The following LRRC75A variants were observed in gnomAD, a reference collection of about 807,000 sequenced individuals.
LRRC75A encodes the protein leucine rich repeat containing 75A.
A neutral mutation model predicts 26.0 loss-of-function variants in LRRC75A; 12 were observed. The observed-to-expected ratio is 0.46, with a 90% confidence interval of 0.30 to 0.75. The LOEUF (loss-of-function observed/expected upper bound fraction) is 0.75, where lower values mean the gene tolerates loss of function less well. Among genes scored for constraint, LRRC75A ranks in the 30% least tolerant of loss-of-function variants. The probability of loss-of-function intolerance (pLI) is 0.08; values close to 1 mark genes in which losing one functional copy is unlikely to be tolerated. For missense variants in LRRC75A, 410 were observed against 486.6 expected (o/e 0.84, Z 1.48); for synonymous variants, 223 against 219.3 (o/e 1.02, Z -0.15).
chr17:16,446,522 G>A (rs2093587112), intron 3 of LRRC75A, among the ~76,000 whole-genome samples: 1 of 152,196 alleles, frequency 6.6e-6, no homozygotes, highest in Non-Finnish European at 1.5e-5. Context: ...TGAACCAGCA[G>A]GAAGGCCAGT....
chr17:16,487,306 T>C (rs927093213), intron 1 of LRRC75A, among the ~76,000 whole-genome samples: 1 of 152,182 alleles, frequency 6.6e-6, no homozygotes, highest in African/African-American at 2.4e-5. Context: ...GAAGTGTTCT[T>C]AGGTGGAGGT....
intron 1 of LRRC75A, among the ~76,000 whole-genome samples, chr17:16,469,456 C>T (rs981103265): frequency 2.6e-5 from 4 of 152,162 alleles, no homozygotes; most frequent in African/African-American, 9.7e-5. Context: ...CTCAGGCTTC[C>T]CCCCTCCCCA....
Position 16,491,738 on chromosome 17 carries a change from C to A in LRRC75A, c.246+7G>T. ...GCGCGCCCCCCGCGCCCCCTCCCCG[C>A]GCTCACCTGGCGCAGGTGCTGCAGC... is the stretch of plus-strand genomic sequence containing the variant. On this transcript the variant is annotated splice_region_variant and intron_variant, in intron 1 of 3. Transcript: ENST00000470794. The surrounding 1 kb of genome is among the most constrained non-coding windows in gnomAD (Gnocchi z 5.9). The A allele has an allele frequency of 1.5e-6, 2 of 1,359,054 alleles. No individual in the cohort carries two copies. Among genetic ancestry groups the A allele is most frequent in the Admixed American group, 3.4e-5 (1 of 29,280 alleles). 84.2% of individuals were successfully genotyped at this position (1,359,054 alleles called of 1,614,324 possible).
rs1400347319 is a variant in LRRC75A at position 16,462,690 on chromosome 17, A to G, written c.247-304T>C. 2 of 348,352 alleles carry G rather than the reference A, an allele frequency of 5.7e-6. No homozygotes were observed. The highest frequency in any genetic ancestry group is 5.6e-5 in the East Asian group (1 of 17,810). The allele number at this position is 348,352 out of a possible 1,614,324, so 21.6% of individuals were successfully genotyped here. A position where few individuals can be genotyped will look rare whatever the true frequency, so the allele number is the denominator to read the frequency against. ...CTCTGGTTTTCCAGAGGAGGAAGCC[A>G]AGGGTGGCCTGCCTCGGTGCAAGCA... On this transcript the variant is annotated intron_variant, in intron 1 of 3. Transcript: ENST00000470794. The surrounding 1 kb of genome is among the most constrained non-coding windows in gnomAD (Gnocchi z 4.6).
chr17:16,461,254 G>A (rs1014054292), intron 2 of LRRC75A: 1 of 152,238 alleles, frequency 6.6e-6, no homozygotes, highest in African/African-American at 2.4e-5. Context: ...AGGTGGGCTT[G>A]GGAACCATCT....
intron 1 of LRRC75A, among the ~76,000 whole-genome samples, chr17:16,489,254 C>T (rs1458038368): frequency 6.6e-6 from 1 of 152,166 alleles, no homozygotes; most frequent in Admixed American, 6.5e-5. Flanking sequence ...TGCAGGAGAA[C>T]ATGCTGTGTG....
intron 1 of LRRC75A, among the ~76,000 whole-genome samples, chr17:16,469,011 G>T (rs1017284474): frequency 1.3e-5 from 2 of 152,184 alleles, no homozygotes; most frequent in African/African-American, 4.8e-5. Flanking sequence ...TGTGTCTAGT[G>T]GCGGATCTGT....
chr17:16,445,692 C>A (rs147311808), intron 3 of LRRC75A, among the ~76,000 whole-genome samples: 1 of 152,226 alleles, frequency 6.6e-6, no homozygotes, highest in Non-Finnish European at 1.5e-5. Context: ...GTAAAACTCT[C>A]AAGGCGTGAC....
intron 3 of LRRC75A, 53 bp from the exon 4 acceptor site, chr17:16,444,184 C>T: frequency 7.0e-7 from 1 of 1,429,684 alleles, no homozygotes; most frequent in Non-Finnish European, 9.4e-7. Flanking sequence ...GGCCTTTCCC[C>T]CAGAAGCTGC....
intron 3 of LRRC75A, among the ~76,000 whole-genome samples, chr17:16,445,158 ATTTTTTTTTTTTT>A (rs766449990): frequency 1.4e-5 from 1 of 69,716 alleles, no homozygotes; most frequent in Non-Finnish European, 2.6e-5. Context: ...CATTTTCTGC[ATTTTTTTTTTTTT>A]TTTTTTTTTT....
rs143260879 is a variant in LRRC75A at position 16,476,714 on chromosome 17, C to T, written c.247-14328G>A. Among the ~76,000 whole-genome samples, 752 of 150,184 alleles carry T rather than the reference C, an allele frequency of 5.0e-3. 5 individuals carry two copies. The highest frequency in any genetic ancestry group is 0.017 in the African/African-American group (692 of 40,814). On this transcript the variant is annotated intron_variant, in intron 1 of 3. Coordinates refer to ENST00000470794, the MANE Select transcript of LRRC75A (RefSeq NM_001113567.3). Reference sequence around the variant, plus strand: ...TCGAGTAGCTGAGATTACAGGTGCCCGTCACCATGCCTGGCTGATTTTTTT... The same window carrying T: ...TCGAGTAGCTGAGATTACAGGTGCCTGTCACCATGCCTGGCTGATTTTTTT...
In LRRC75A at chr17:16,462,465, C is replaced by T; in HGVS notation, c.247-79G>A. 3 of 1,586,738 alleles carry T rather than the reference C, an allele frequency of 1.9e-6. No homozygotes were observed. The highest frequency in any genetic ancestry group is 2.6e-6 in the Non-Finnish European group (3 of 1,167,680). ...CCACCATCCCCAAGAGAAGTAGGCA[C>T]AGACCCCTAGAGGCGACTCTGCCTC... On this transcript the variant is annotated intron_variant, in intron 1 of 3. Coordinates refer to ENST00000470794, the MANE Select transcript of LRRC75A (RefSeq NM_001113567.3). This position sits in a 1 kb window ranked among gnomAD's most constrained non-coding sequence, Gnocchi z 4.6.
At chr17:16,474,026 G>A (rs2093813682) in intron 1 of LRRC75A, among the ~76,000 whole-genome samples, 1 of 152,198 alleles carries the variant, frequency 6.6e-6, no homozygotes, top group African/African-American at 2.4e-5. Flanking sequence ...ATTAAAATCC[G>A]AGAAACGGCT....
chr17:16,482,279 G>A (rs915413884), intron 1 of LRRC75A, among the ~76,000 whole-genome samples: 31 of 152,292 alleles, frequency 2.0e-4, no homozygotes, highest in African/African-American at 6.7e-4. Context: ...TTCAGTGGAC[G>A]AGGGTGTCCT....
intron 3 of LRRC75A, 97 bp from the exon 4 acceptor site, chr17:16,444,228 G>A: frequency 3.8e-6 from 4 of 1,054,158 alleles, no homozygotes; most frequent in Admixed American, 2.9e-5. Flanking sequence ...CCGACGCTAG[G>A]GACTGCTTTT....
intron 1 of LRRC75A, chr17:16,470,357 C>T (rs181336593): frequency 2.6e-5 from 4 of 152,280 alleles, no homozygotes; most frequent in East Asian, 3.9e-4. Flanking sequence ...ACGCAGCAAG[C>T]GCTGAATATT....
At position 16,442,490 on chromosome 17, in the gene LRRC75A, T is replaced by TTTCA. The variant is rs2093539271; in HGVS notation, c.*1094_*1097dup. The TTTCA allele has an allele frequency of 6.6e-6, 1 of 152,244 alleles. No homozygotes were observed. The allele number at this position is 152,244 out of a possible 1,614,324, so 9.4% of individuals were successfully genotyped here. On this transcript the variant is annotated 3_prime_UTR_variant, in exon 4 of 4. Coordinates refer to ENST00000470794, the MANE Select transcript of LRRC75A (RefSeq NM_001113567.3). ...AGAGATCCCTTAACTGGTAGGGCCC[T>TTTCA]TTCAGTAGGACAGTATTTGGGTAAG...
intron 2 of LRRC75A, among the ~76,000 whole-genome samples, chr17:16,460,381 C>T (rs34793697): frequency 0.19 from 29,610 of 152,254 alleles, 3,571 homozygotes; most frequent in Middle Eastern, 0.29. Context: ...GGAGTTCCCG[C>T]CCCTCCTCCT....
At chr17:16,485,770 G>T (rs1302580330) in intron 1 of LRRC75A, among the ~76,000 whole-genome samples, 4 of 152,118 alleles carry the variant, frequency 2.6e-5, no homozygotes. Flanking sequence ...GAGACAGATG[G>T]CTGGCTGAGG....
Sources: gnomAD v4.1 joint callset for allele counts (sites outside exome capture counted in the v4.1 genomes callset) on GRCh38, gnomAD v4.1.1 for gene constraint, Gnocchi (gnomAD v3.1) non-coding constraint, MANE v1.5 for transcripts, NCBI Gene and HGNC (gene_info 2026-07-23, HGNC 2026-07-21) for gene names.